The following MTUS1 variants were observed in gnomAD, a reference collection of about 807,000 sequenced individuals.
MTUS1 encodes microtubule-associated tumor suppressor 1.
A neutral mutation model predicts 120.8 loss-of-function variants in MTUS1; 109 were observed. The observed-to-expected ratio is 0.90, with a 90% CI of 0.77 to 1.06. MTUS1 has a LOEUF of 1.06. MTUS1 is among the 50% of genes least tolerant of loss of function. The probability of loss-of-function intolerance (pLI) is 0.00; values close to 1 mark genes in which losing one functional copy is unlikely to be tolerated. For missense variants in MTUS1, 2,210 were observed against 1,486.3 expected (o/e 1.49, Z -8.01); for synonymous variants, 737 against 550.5 (o/e 1.34, Z -4.74).
chr8:17,692,078 A>G (rs1817052237), intron 6 of MTUS1: 1 of 152,224 alleles, frequency 6.6e-6, no homozygotes, highest in Non-Finnish European at 1.5e-5. Flanking sequence ...CTGTTGCAAG[A>G]TCCAACTTGT....
At chr8:17,774,371 A>G (rs1480074951) in intron 1 of MTUS1, among the ~76,000 whole-genome samples, 1 of 152,222 alleles carries the variant, frequency 6.6e-6, no homozygotes, top group African/African-American at 2.4e-5. Context: ...TCTGGCTAGT[A>G]CCACCTCAGT....
chr8:17,682,503 G>C (rs1484921594), intron 7 of MTUS1, among the ~76,000 whole-genome samples: 1 of 121,248 alleles, frequency 8.2e-6, no homozygotes, highest in Admixed American at 1.0e-4. Flanking sequence ...GAGTGACAGA[G>C]CAAGACTCCA....
At chr8:17,724,038 T>A in intron 3 of MTUS1, 1 of 573,188 alleles carries the variant, frequency 1.7e-6, no homozygotes, top group East Asian at 2.9e-5. Context: ...AGAGCAGAAA[T>A]GATGAGGCAA....
chr8:17,654,763 AG>A, intron 9 of MTUS1, 97 bp from the exon 10 acceptor site: 1 of 809,638 alleles, frequency 1.2e-6, no homozygotes, highest in South Asian at 1.5e-5. Flanking sequence ...ACAGCTTCAC[AG>A]GTAAGCGTGG....
chr8:17,685,453 T>C (rs570490640), intron 6 of MTUS1, among the ~76,000 whole-genome samples: 2 of 150,430 alleles, frequency 1.3e-5, no homozygotes, highest in Non-Finnish European at 3.0e-5. Context: ...CAAATGTAAA[T>C]CTGGAAAAAA....
chr8:17,666,310 C>T (rs80257931), intron 8 of MTUS1, among the ~76,000 whole-genome samples: 8 of 151,316 alleles, frequency 5.3e-5, no homozygotes, highest in Admixed American at 3.3e-4. Context: ...GATTTTAAGT[C>T]AGGGACTATT....
rs142202690 is a variant in MTUS1 at position 17,722,882 on chromosome 8, C to G, written c.2449+790G>C. 3.3e-5 allele frequency among the ~76,000 whole-genome samples: 5 copies of G among 152,168 alleles called. No individual in the cohort carries two copies. The East Asian group carries it at 9.6e-4, about 29-fold the overall frequency. ...CCAACTCCTCACCCAAAAGAAGAAA[C>G]TGATCTGTCAAACTGAAGAGATCAG... On this transcript the variant is annotated intron_variant, in intron 4 of 14. Transcript: ENST00000693296.
In MTUS1 at chr8:17,684,361, T is replaced by C; in HGVS notation, c.2805A>G (p.Ala935=). The C allele has an allele frequency of 6.2e-7, 1 of 1,614,166 alleles. No homozygotes were observed. The highest frequency in any genetic ancestry group is 8.5e-7 in the Non-Finnish European group (1 of 1,180,012). The part of the protein sequence containing the change: ...LLACGNTKFE[A]LTVVIQHLLS... ...GCAGGTGCTGAATCACAACTGTCAATGCCTCAAACTTGGTATTACCACAGG... is the reference window on the plus strand; with the variant it reads ...GCAGGTGCTGAATCACAACTGTCAACGCCTCAAACTTGGTATTACCACAGG... The change falls in exon 7 of 15, where the codon GCA becomes GCG. Residue 935 remains alanine, a synonymous_variant. Transcript: ENST00000693296.
chr8:17,749,422 G>A (rs2048014778), intron 2 of MTUS1, among the ~76,000 whole-genome samples: 1 of 152,062 alleles, frequency 6.6e-6, no homozygotes, highest in Admixed American at 6.6e-5. Flanking sequence ...ACTTTGAGAA[G>A]CCGAGGTGGG....
rs200539556 is a variant in MTUS1 at position 17,754,037 on chromosome 8, T to C, written c.1771A>G (p.Thr591Ala). The C allele has an allele frequency of 1.1e-3, 1,793 of 1,614,200 alleles. 28 individuals are homozygous for C. In the South Asian group the frequency reaches 0.017, roughly 15 times the overall value. Residue 591 changes from threonine to alanine, a missense_variant, in exon 2 of 15, where the codon ACA becomes GCA. Physicochemically the swap from Thr to Ala is moderately conservative, Grantham distance 58 (BLOSUM62 0). Coordinates refer to ENST00000693296, the MANE Select transcript of MTUS1 (RefSeq NM_001363059.2). ...TGTGAAGCATTTTTAGAATGAGTTG[T>C]AACATGCACAGCCTGGCTAGTAATG... ...KLITSQAVHV[T>A]THSKNASHRV... is the part of the protein sequence containing the mutation.
At chr8:17,764,515 G>C (rs746747167) in intron 1 of MTUS1, among the ~76,000 whole-genome samples, 1 of 151,852 alleles carries the variant, frequency 6.6e-6, no homozygotes, top group Non-Finnish European at 1.5e-5. Context: ...CCCTGTTCCT[G>C]TTTCATCTTT....
chr8:17,692,073 G>A (rs1056819681), intron 6 of MTUS1: 2 of 152,272 alleles, frequency 1.3e-5, no homozygotes, highest in African/African-American at 4.8e-5. Context: ...AAGGCCTGTT[G>A]CAAGATCCAA....
rs73571164 is a variant in MTUS1 at position 17,645,518 on chromosome 8, C to G, written c.*408G>C. The G allele has an allele frequency of 4.8e-3, 821 of 172,526 alleles. 12 individuals carry two copies. Among genetic ancestry groups the G allele is most frequent in the African/African-American group, 0.019 (786 of 41,892 alleles). The allele number at this position is 172,526 out of a possible 1,614,324, so 10.7% of individuals were successfully genotyped here. A position where few individuals can be genotyped will look rare whatever the true frequency, so the allele number is the denominator to read the frequency against. On this transcript the variant is annotated 3_prime_UTR_variant, in exon 15 of 15. Coordinates refer to ENST00000693296, the MANE Select transcript of MTUS1 (RefSeq NM_001363059.2). ...TGACATCCATTTCATTCACACCCCC[C>G]ACCCCCACAGTCAGACTGAAAACTC...
chr8:17,740,366 A>T (rs557149872), intron 3 of MTUS1, among the ~76,000 whole-genome samples: 3 of 152,378 alleles, frequency 2.0e-5, no homozygotes, highest in African/African-American at 7.2e-5. Flanking sequence ...TGAAAACGCC[A>T]AATTGGCTGG....
chr8:17,647,669 A>T (rs555771917), intron 13 of MTUS1, among the ~76,000 whole-genome samples: 6 of 152,188 alleles, frequency 3.9e-5, no homozygotes, highest in Non-Finnish European at 7.4e-5. Flanking sequence ...AGGTCAGCTG[A>T]AGATAGATAG....
In MTUS1 at chr8:17,666,835, G is replaced by A. The variant is rs111928071; in HGVS notation, c.2905+8351C>T. ...TTACTATTCCTTAAAGCCCAAAGAG[G>A]GGTTAGTAGGATGATGGGTATAGGA... On this transcript the variant is annotated intron_variant, in intron 8 of 14. Coordinates refer to ENST00000693296, the MANE Select transcript of MTUS1 (RefSeq NM_001363059.2). Among the ~76,000 whole-genome samples the A allele has an allele frequency of 7.6e-3, 1,159 of 152,182 alleles. 3 individuals carry two copies. The highest frequency in any genetic ancestry group is 0.011 in the South Asian group (55 of 4,818).
chr8:17,675,773 G>A (rs536756126), intron 7 of MTUS1, among the ~76,000 whole-genome samples: 124 of 152,220 alleles, frequency 8.1e-4, no homozygotes, highest in African/African-American at 2.8e-3. Flanking sequence ...ATCCTTTAAA[G>A]ACAAAATTAA....
intron 1 of MTUS1, among the ~76,000 whole-genome samples, chr8:17,769,115 G>A (rs2049807520): frequency 6.6e-6 from 1 of 151,948 alleles, no homozygotes; most frequent in South Asian, 2.1e-4. Context: ...CCCCGAAGGA[G>A]AAGCTCCCAG....
chr8:17,777,620 A>G (rs1249605751), intron 1 of MTUS1, among the ~76,000 whole-genome samples: 1 of 152,132 alleles, frequency 6.6e-6, no homozygotes, highest in Non-Finnish European at 1.5e-5. Context: ...AATGAAAAAC[A>G]GTGAAGGTTA....
Sources: allele counts gnomAD v4.1 joint callset (sites outside exome capture counted in the v4.1 genomes callset), GRCh38; gene constraint gnomAD v4.1.1; transcripts MANE v1.5; gene names NCBI Gene and HGNC (gene_info 2026-07-23, HGNC 2026-07-21).